PITPNC1: variants seen among roughly 807,000 people sequenced by gnomAD.
PITPNC1 encodes the protein phosphatidylinositol transfer protein cytoplasmic 1, also known as cytoplasmic phosphatidylinositol transfer protein 1.
Under a neutral mutation model 44.7 loss-of-function variants are expected in PITPNC1, and 18 were observed. The ratio of observed to expected loss-of-function variants is 0.40; its 90% CI spans 0.28 to 0.60. PITPNC1 has a LOEUF of 0.60. Ranked by LOEUF, PITPNC1 falls within the 20% of genes least tolerant of loss-of-function variation. The probability of loss-of-function intolerance (pLI) is 0.39; values close to 1 mark genes in which losing one functional copy is unlikely to be tolerated. For synonymous variants in PITPNC1, 141 were observed against 149.6 expected, an observed-to-expected ratio of 0.94 and a Z score of 0.42; for missense variants, 290 against 418.4, an observed-to-expected ratio of 0.69 and a Z score of 2.68.
At chr17:67,413,433 T>TTTCTTTCTTTCTTTCTTTC (rs1364834017) in intron 1 of PITPNC1, among the ~76,000 whole-genome samples, 1 of 43,938 alleles carries the variant, frequency 2.3e-5, no homozygotes, top group Admixed American at 2.3e-4. Context: ...TTCTTTCTTT[T>TTTCTTTCTTTCTTTCTTTC]TGGAAAAGTT....
chr17:67,559,819 G>A (rs956599480), intron 4 of PITPNC1, among the ~76,000 whole-genome samples: 1 of 152,174 alleles, frequency 6.6e-6, no homozygotes, highest in Non-Finnish European at 1.5e-5. Flanking sequence ...AGGTTGCAGT[G>A]AGCCGGGATC....
chr17:67,491,852 A>G (rs1384694309), intron 1 of PITPNC1, among the ~76,000 whole-genome samples: 1 of 151,890 alleles, frequency 6.6e-6, no homozygotes, highest in Non-Finnish European at 1.5e-5. Context: ...AAAACCAAAA[A>G]CCAAAAACCC....
chr17:67,590,065 T>A (rs1483750872), intron 5 of PITPNC1, among the ~76,000 whole-genome samples: 1 of 152,024 alleles, frequency 6.6e-6, no homozygotes, highest in African/African-American at 2.4e-5. Context: ...TGGGGGTGTG[T>A]GGAAACGGGG....
chr17:67,396,757 C>T (rs1284925976), intron 1 of PITPNC1, among the ~76,000 whole-genome samples: 1 of 152,080 alleles, frequency 6.6e-6, no homozygotes. Flanking sequence ...CTTCACCTCC[C>T]TGAGCTCAAG....
At position 67,691,102 on chromosome 17, in the gene PITPNC1, C is replaced by CAAATAAAT. The variant is rs71864063; in HGVS notation, c.683-1447_683-1440dup. Among the ~76,000 whole-genome samples the CAAATAAAT allele has an allele frequency of 8.7e-5, 13 of 149,094 alleles. No homozygotes were observed. In the South Asian group the frequency reaches 2.6e-3, roughly 29 times the overall value. On this transcript the variant is annotated intron_variant, in intron 8 of 8. Transcript: ENST00000581322. Reference sequence around the variant, plus strand: ...TGTGCAACAGAGCAAGACTCTATCTCAAATAAATAAATAAATAAATAAATA... The same window carrying CAAATAAAT: ...TGTGCAACAGAGCAAGACTCTATCTCAAATAAATAAATAAATAAATAAATAAATAAATA...
intron 1 of PITPNC1, among the ~76,000 whole-genome samples, chr17:67,505,040 A>G (rs966993877): frequency 4.6e-5 from 7 of 152,146 alleles, no homozygotes; most frequent in Non-Finnish European, 8.8e-5. Flanking sequence ...ATATTTATAA[A>G]TTGCCTGAAT....
At chr17:67,468,268 A>G (rs932436506) in intron 1 of PITPNC1, among the ~76,000 whole-genome samples, 7 of 152,290 alleles carry the variant, frequency 4.6e-5, no homozygotes, top group South Asian at 2.1e-4. Context: ...TTCAGGCTCA[A>G]TTAAGGAGCT....
chr17:67,526,091 G>C (rs1006410858), intron 1 of PITPNC1, among the ~76,000 whole-genome samples: 4 of 152,196 alleles, frequency 2.6e-5, no homozygotes, highest in Admixed American at 2.6e-4. Context: ...GGTTCCCGCT[G>C]TTCACATTGT....
intron 6 of PITPNC1, among the ~76,000 whole-genome samples, chr17:67,660,862 C>CT (rs141244732): frequency 0.017 from 1,884 of 111,796 alleles, 30 homozygotes; most frequent in South Asian, 0.025. Context: ...ATCACATTCT[C>CT]TTTTTTTTTT....
In PITPNC1 at chr17:67,676,099, C is replaced by G. The variant is rs1232589883; in HGVS notation, c.682+557C>G. 6.6e-6 allele frequency among the ~76,000 whole-genome samples: 1 copy of G among 151,722 alleles called. No individual in the cohort carries two copies. Among genetic ancestry groups the G allele is most frequent in the African/African-American group, 2.4e-5 (1 of 41,262 alleles). ...GCAGGCACCTGTAGTCCCAGCTACT[C>G]AGGAGGCTGAGGCAGGAGAATGGCA... is the stretch of plus-strand genomic sequence containing the variant. On this transcript the variant is annotated intron_variant, in intron 8 of 8. Coordinates refer to ENST00000581322, the MANE Select transcript of PITPNC1 (RefSeq NM_012417.4). This position sits in a 1 kb window ranked among gnomAD's most constrained non-coding sequence, Gnocchi z 4.0.
intron 1 of PITPNC1, among the ~76,000 whole-genome samples, chr17:67,447,043 T>C (rs1008213732): frequency 7.4e-6 from 1 of 134,744 alleles, no homozygotes; most frequent in African/African-American, 2.8e-5. Context: ...TAAGCCAAGA[T>C]TGTGCCACTG....
intron 5 of PITPNC1, among the ~76,000 whole-genome samples, chr17:67,627,839 T>A (rs553464591): frequency 6.6e-6 from 1 of 152,274 alleles, no homozygotes; most frequent in East Asian, 1.9e-4. Context: ...GGAATAATAT[T>A]AATATGGGCA....
intron 1 of PITPNC1, among the ~76,000 whole-genome samples, chr17:67,495,218 G>T (rs945062306): frequency 3.3e-5 from 5 of 151,452 alleles, no homozygotes; most frequent in Non-Finnish European, 7.4e-5. Context: ...CACCAGGCCC[G>T]GCTAATTTTT....
intron 1 of PITPNC1, among the ~76,000 whole-genome samples, chr17:67,416,785 T>C (rs2038595542): frequency 6.6e-6 from 1 of 152,184 alleles, no homozygotes; most frequent in Non-Finnish European, 1.5e-5. Context: ...AAGGAAATGC[T>C]CACAACATTC....
chr17:67,522,711 A>T (rs2040343363), intron 1 of PITPNC1, among the ~76,000 whole-genome samples: 1 of 135,770 alleles, frequency 7.4e-6, no homozygotes, highest in Middle Eastern at 4.2e-3. Flanking sequence ...AGGCTGGAGC[A>T]CAGTGGTATG....
chr17:67,407,780 G>C (rs2038422515), intron 1 of PITPNC1, among the ~76,000 whole-genome samples: 1 of 151,340 alleles, frequency 6.6e-6, no homozygotes, highest in African/African-American at 2.4e-5. Flanking sequence ...GGCAACAAGA[G>C]CGAAACTCTG....
At position 67,558,589 on chromosome 17, in the gene PITPNC1, A is replaced by G. The variant is rs2040868778; in HGVS notation, c.294+4972A>G. On this transcript the variant is annotated intron_variant, in intron 4 of 8. Coordinates refer to ENST00000581322, the MANE Select transcript of PITPNC1 (RefSeq NM_012417.4). ...GTAGGAATTTGAAAACTTAAGTTAC[A>G]GGAAATGGATAGCAGGGACCTAGAG... Among the ~76,000 whole-genome samples the G allele has an allele frequency of 2.6e-5, 4 of 152,190 alleles. No homozygotes were observed. The South Asian group carries it at 8.3e-4, about 31-fold the overall frequency.
At chr17:67,422,632 C>G (rs2038686781) in intron 1 of PITPNC1, among the ~76,000 whole-genome samples, 1 of 151,968 alleles carries the variant, frequency 6.6e-6, no homozygotes, top group Non-Finnish European at 1.5e-5. Context: ...ACTGCAACCT[C>G]TACCTCCCAG....
rs188853922 is a variant in PITPNC1, at chr17:67,405,760, C to A, written c.48+27558C>A. On this transcript the variant is annotated intron_variant, in intron 1 of 8. Transcript: ENST00000581322. ...AGCTGGGATTACAGGCATGCACCAC[C>A]ACGCTCAGCTAATTTTTTGTATTTT... is the stretch of plus-strand genomic sequence containing the variant. Among the ~76,000 whole-genome samples, 129 of 151,846 alleles carry A rather than the reference C, an allele frequency of 8.5e-4. 1 individual carries two copies. Among genetic ancestry groups the A allele is most frequent in the African/African-American group, 3.0e-3 (124 of 41,414 alleles).
Sources: gnomAD v4.1 joint callset for allele counts (sites outside exome capture counted in the v4.1 genomes callset) on GRCh38, gnomAD v4.1.1 for gene constraint, Gnocchi (gnomAD v3.1) non-coding constraint, MANE v1.5 for transcripts, NCBI Gene and HGNC (gene_info 2026-07-23, HGNC 2026-07-21) for gene names.